PKP4: variants seen among roughly 807,000 people sequenced by gnomAD.
The protein encoded by PKP4 is plakophilin-4.
A neutral mutation model predicts 145.1 loss-of-function variants in PKP4; 90 were observed. The ratio of observed to expected loss-of-function variants is 0.62; its 90% CI spans 0.52 to 0.74. The LOEUF is 0.74. Ranked by LOEUF, PKP4 falls within the 30% of genes least tolerant of loss-of-function variation. The pLI is 0.00. For missense variants in PKP4, 1,340 were observed against 1,482.7 expected, an observed-to-expected ratio of 0.90 and a Z score of 1.58; for synonymous variants, 563 against 577.2, an observed-to-expected ratio of 0.98 and a Z score of 0.35.
At chr2:158,477,011 G>T (rs1029985731) in intron 1 of PKP4, among the ~76,000 whole-genome samples, 1 of 152,026 alleles carries the variant, frequency 6.6e-6, no homozygotes, top group African/African-American at 2.4e-5. Flanking sequence ...GTGAACACCT[G>T]TATAATAGAA....
intron 2 of PKP4, chr2:158,549,008 T>C (rs1352822079): frequency 5.7e-6 from 1 of 174,274 alleles, no homozygotes; most frequent in East Asian, 1.6e-4. Context: ...TGTCTGTGCA[T>C]AGGAAGACCC....
intron 11 of PKP4, among the ~76,000 whole-genome samples, chr2:158,656,958 G>C (rs1203048994): frequency 6.6e-6 from 1 of 152,102 alleles, no homozygotes; most frequent in African/African-American, 2.4e-5. Context: ...TCTTGTCTCC[G>C]GGCCACGCTC....
intron 1 of PKP4, among the ~76,000 whole-genome samples, chr2:158,522,015 A>C (rs919643521): frequency 2.6e-5 from 4 of 152,060 alleles, no homozygotes; most frequent in Non-Finnish European, 5.9e-5. Flanking sequence ...CAGTTTTGAA[A>C]TTGTGTTTCT....
chr2:158,555,921 G>T (rs760649492), intron 2 of PKP4, among the ~76,000 whole-genome samples: 2 of 152,062 alleles, frequency 1.3e-5, no homozygotes, highest in Non-Finnish European at 1.5e-5. Flanking sequence ...TTTTTCCATA[G>T]CTTGCTTATT....
chr2:158,475,777 T>G (rs964779873), intron 1 of PKP4, among the ~76,000 whole-genome samples: 1 of 152,208 alleles, frequency 6.6e-6, no homozygotes, highest in African/African-American at 2.4e-5. Context: ...GCACCCCTTA[T>G]GGACTTCCCT....
intron 9 of PKP4, among the ~76,000 whole-genome samples, chr2:158,638,544 AC>A (rs2054004087): frequency 6.6e-6 from 1 of 151,950 alleles, no homozygotes; most frequent in Admixed American, 6.6e-5. Context: ...TAGTGACATC[AC>A]CCTCCAGCCT....
At chr2:158,555,237 A>C (rs1254653485) in intron 2 of PKP4, among the ~76,000 whole-genome samples, 1 of 152,184 alleles carries the variant, frequency 6.6e-6, no homozygotes, top group East Asian at 1.9e-4. Context: ...TGAGTTGTTC[A>C]GTCCGTTCTT....
At chr2:158,496,790 G>GTGTGTGTGTGTGTGTCTGTGTC (rs146738816) in intron 1 of PKP4, among the ~76,000 whole-genome samples, 7 of 149,950 alleles carry the variant, frequency 4.7e-5, no homozygotes, top group Non-Finnish European at 1.0e-4. Context: ...GTGTGTGTGT[G>GTGTGTGTGTGTGTGTCTGTGTC]TGTGTCTGTG....
intron 1 of PKP4, 87 bp from the exon 2 acceptor site, chr2:158,533,093 T>C: frequency 7.4e-7 from 1 of 1,353,590 alleles, no homozygotes; most frequent in East Asian, 2.5e-5. Context: ...TGTAGTCTAC[T>C]GTAGTTGCTA....
chr2:158,511,832 A>T (rs961423017), intron 1 of PKP4, among the ~76,000 whole-genome samples: 5 of 152,182 alleles, frequency 3.3e-5, no homozygotes, highest in African/African-American at 2.4e-5. Context: ...AGCACATGCA[A>T]ACACAGGCTA....
intron 2 of PKP4, among the ~76,000 whole-genome samples, chr2:158,550,130 T>G (rs1212334950): frequency 9.6e-6 from 1 of 103,716 alleles, no homozygotes; most frequent in Non-Finnish European, 2.7e-5. Flanking sequence ...AACATTACTT[T>G]TCTGCCAAGA....
intron 1 of PKP4, among the ~76,000 whole-genome samples, chr2:158,472,352 G>C (rs904617341): frequency 4.6e-5 from 7 of 152,212 alleles, no homozygotes; most frequent in Non-Finnish European, 8.8e-5. Context: ...GCTCACGCCT[G>C]TAATCCCAAC....
intron 1 of PKP4, among the ~76,000 whole-genome samples, chr2:158,513,593 C>T (rs912915832): frequency 2.6e-5 from 4 of 152,082 alleles, no homozygotes; most frequent in African/African-American, 9.7e-5. Flanking sequence ...AGCTCCTCAC[C>T]GGGCTTTCCA....
intron 8 of PKP4, 47 bp downstream of exon 8, chr2:158,631,988 C>G (rs764568436): frequency 2.6e-6 from 4 of 1,543,828 alleles, no homozygotes; most frequent in Non-Finnish European, 2.7e-6. Context: ...ATAGGCCCCA[C>G]AGTAGAAGTG....
At chr2:158,528,939 G>A (rs2043245465) in intron 1 of PKP4, among the ~76,000 whole-genome samples, 1 of 152,184 alleles carries the variant, frequency 6.6e-6, no homozygotes. Flanking sequence ...AACTCCTGAG[G>A]AACATTCACA....
chr2:158,653,958 C>T (rs1162413358), intron 11 of PKP4, among the ~76,000 whole-genome samples: 2 of 152,162 alleles, frequency 1.3e-5, no homozygotes, highest in Non-Finnish European at 2.9e-5. Context: ...TTAGTGAGGT[C>T]GAGCACACAC....
chr2:158,520,099 C>T (rs536767079), intron 1 of PKP4, among the ~76,000 whole-genome samples: 107 of 152,108 alleles, frequency 7.0e-4, no homozygotes, highest in Non-Finnish European at 1.3e-3. Context: ...ATGTGTAATT[C>T]GTGTTTATCA....
At chr2:158,485,537 A>G (rs1234144141) in intron 1 of PKP4, among the ~76,000 whole-genome samples, 2 of 152,218 alleles carry the variant, frequency 1.3e-5, no homozygotes, top group Admixed American at 1.3e-4. Context: ...TGAACCGTGC[A>G]TGTTTAGAGC....
intron 17 of PKP4, among the ~76,000 whole-genome samples, chr2:158,672,326 C>A (rs1005479011): frequency 6.6e-6 from 1 of 152,196 alleles, no homozygotes; most frequent in Non-Finnish European, 1.5e-5. Flanking sequence ...ATCTTCCTTG[C>A]TTTTCTCATG....
Sources: gnomAD v4.1 joint callset for allele counts (sites outside exome capture counted in the v4.1 genomes callset) on GRCh38, gnomAD v4.1.1 for gene constraint, MANE v1.5 for transcripts, NCBI Gene and HGNC (gene_info 2026-07-23, HGNC 2026-07-21) for gene names.